The following SLC4A10 variants were observed in gnomAD, a reference collection of about 807,000 sequenced individuals.
SLC4A10 encodes sodium-driven chloride bicarbonate exchanger.
In SLC4A10, 42 loss-of-function variants were observed where a neutral mutation model predicts 137.7. That is an observed-to-expected ratio of 0.30 (90% CI 0.24 to 0.39). SLC4A10 has a LOEUF of 0.39. SLC4A10 is among the 10% of genes least tolerant of loss of function. The pLI is 1.00. For synonymous variants in SLC4A10, 474 were observed against 464.1 expected (o/e 1.02, Z -0.27); for missense variants, 925 against 1,355.0 (o/e 0.68, Z 4.98).
chr2:161,858,268 T>C (rs1366307795), intron 5 of SLC4A10, among the ~76,000 whole-genome samples: 1 of 152,170 alleles, frequency 6.6e-6, no homozygotes, highest in Non-Finnish European at 1.5e-5. Context: ...TAGATGAATA[T>C]GACCCAGATA....
At chr2:161,779,192 A>AT (rs1175010249) in intron 2 of SLC4A10, among the ~76,000 whole-genome samples, 3 of 151,938 alleles carry the variant, frequency 2.0e-5, no homozygotes, top group Non-Finnish European at 4.4e-5. Context: ...GAGATAATCC[A>AT]TTTTTATGAG....
rs754131004 is a variant in SLC4A10, at chr2:161,974,235, A to T, written c.3160-14A>T. 1.9e-6 allele frequency: 3 copies of T among 1,591,698 alleles called. No individual in the cohort carries two copies. In the African/African-American group the frequency reaches 4.0e-5, roughly 21 times the overall value. ...ATCAGGTTCACTTTATATACTTTAC[A>T]TTTGTCTTTTCAGGAAGAACAAAGT... is the stretch of plus-strand genomic sequence containing the variant. On this transcript the variant is annotated splice_polypyrimidine_tract_variant and intron_variant, in intron 23 of 26. Coordinates refer to ENST00000446997, the MANE Select transcript of SLC4A10 (RefSeq NM_001178015.2).
At chr2:161,684,350 T>C (rs1480151983) in intron 1 of SLC4A10, among the ~76,000 whole-genome samples, 1 of 152,188 alleles carries the variant, frequency 6.6e-6, no homozygotes, top group Non-Finnish European at 1.5e-5. Context: ...TGCATTTTTT[T>C]CTCCTTGCAG....
At chr2:161,781,899 C>A (rs973877408) in intron 2 of SLC4A10, among the ~76,000 whole-genome samples, 3 of 152,024 alleles carry the variant, frequency 2.0e-5, no homozygotes, top group Non-Finnish European at 2.9e-5. Context: ...CAACGCAACA[C>A]CATACAATTG....
At chr2:161,775,851 G>A in intron 2 of SLC4A10, among the ~76,000 whole-genome samples, 1 of 151,636 alleles carries the variant, frequency 6.6e-6, no homozygotes, top group East Asian at 1.9e-4. Context: ...AATTAATGAA[G>A]CAAGTTACTT....
intron 3 of SLC4A10, among the ~76,000 whole-genome samples, chr2:161,829,705 G>A (rs62187703): frequency 0.083 from 12,597 of 151,754 alleles, 550 homozygotes; most frequent in East Asian, 0.17. Context: ...TTTATGTATT[G>A]GTCTGTTTTC....
chr2:161,690,541 C>T (rs2041873088), intron 1 of SLC4A10, among the ~76,000 whole-genome samples: 1 of 152,072 alleles, frequency 6.6e-6, no homozygotes, highest in South Asian at 2.1e-4. Context: ...ATGGAATCAA[C>T]CCAAATGCCC....
At chr2:161,855,172 A>C (rs41267441) in intron 5 of SLC4A10, 42 bp downstream of exon 5, 109,727 of 1,537,282 alleles carry the variant, frequency 0.071, 4,354 homozygotes, top group East Asian at 0.12. Context: ...GGTACAGCTA[A>C]TTTTTTGTTA....
chr2:161,769,791 C>G (rs966885740), intron 1 of SLC4A10, among the ~76,000 whole-genome samples: 6 of 151,798 alleles, frequency 4.0e-5, no homozygotes, highest in Non-Finnish European at 7.4e-5. Context: ...TCTCTCTGTT[C>G]TTTCCATGCT....
At chr2:161,930,890 C>T (rs570812623) in intron 15 of SLC4A10, among the ~76,000 whole-genome samples, 1 of 150,098 alleles carries the variant, frequency 6.7e-6, no homozygotes, top group South Asian at 2.1e-4. Context: ...ATCTTCATCT[C>T]ATTCTGCCAC....
intron 10 of SLC4A10, among the ~76,000 whole-genome samples, chr2:161,891,056 C>T (rs1458790029): frequency 6.6e-6 from 1 of 152,080 alleles, no homozygotes. Context: ...GCTTATGAAG[C>T]TTAGTTTGGC....
intron 3 of SLC4A10, among the ~76,000 whole-genome samples, chr2:161,813,620 C>T (rs566140240): frequency 1.3e-5 from 2 of 152,088 alleles, no homozygotes; most frequent in Non-Finnish European, 2.9e-5. Context: ...GCAGAGATGC[C>T]CTCTTAGACT....
At chr2:161,769,238 G>T (rs2051270240) in intron 1 of SLC4A10, among the ~76,000 whole-genome samples, 1 of 151,886 alleles carries the variant, frequency 6.6e-6, no homozygotes, top group Non-Finnish European at 1.5e-5. Flanking sequence ...GTCAGCCTGA[G>T]CCAATGTTAT....
At chr2:161,698,963 T>A (rs2042848489) in intron 1 of SLC4A10, among the ~76,000 whole-genome samples, 1 of 152,164 alleles carries the variant, frequency 6.6e-6, no homozygotes, top group African/African-American at 2.4e-5. Context: ...TGGTAGGCTA[T>A]TAATTATTGC....
intron 15 of SLC4A10, among the ~76,000 whole-genome samples, chr2:161,936,674 T>C (rs1341907875): frequency 6.6e-6 from 1 of 152,194 alleles, no homozygotes; most frequent in African/African-American, 2.4e-5. Context: ...TTTTCTTTCC[T>C]TTATTCTTGG....
chr2:161,785,705 C>T (rs1574957411), intron 2 of SLC4A10, among the ~76,000 whole-genome samples: 1 of 151,650 alleles, frequency 6.6e-6, no homozygotes, highest in East Asian at 1.9e-4. Context: ...CAATAAAGGC[C>T]ATATATGACA....
intron 3 of SLC4A10, among the ~76,000 whole-genome samples, chr2:161,838,258 C>T (rs1261673444): frequency 6.8e-6 from 1 of 147,158 alleles, no homozygotes; most frequent in Non-Finnish European, 1.5e-5. Flanking sequence ...GATATTGGAA[C>T]AATTTAACAT....
intron 2 of SLC4A10, among the ~76,000 whole-genome samples, chr2:161,803,059 T>C (rs1418546440): frequency 6.6e-6 from 1 of 152,130 alleles, no homozygotes; most frequent in Non-Finnish European, 1.5e-5. Context: ...CCTAGTATTT[T>C]AATGTTTTCT....
intron 2 of SLC4A10, among the ~76,000 whole-genome samples, chr2:161,804,137 A>C (rs1033180253): frequency 6.6e-6 from 1 of 151,466 alleles, no homozygotes; most frequent in African/African-American, 2.5e-5. Context: ...AGAGAATAAA[A>C]AACAATTTTT....
Sources: allele counts gnomAD v4.1 joint callset (sites outside exome capture counted in the v4.1 genomes callset), GRCh38; gene constraint gnomAD v4.1.1; transcripts MANE v1.5; gene names NCBI Gene and HGNC (gene_info 2026-07-23, HGNC 2026-07-21).